Variants in SMUG1 observed in about 807,000 individuals in gnomAD.
SMUG1 encodes single-strand selective monofunctional uracil DNA glycosylase.
A neutral mutation model predicts 23.9 loss-of-function variants in SMUG1; 13 were observed. The observed-to-expected ratio is 0.54, with a 90% CI of 0.35 to 0.86. The LOEUF (loss-of-function observed/expected upper bound fraction) is 0.86, where lower values mean the gene tolerates loss of function less well. Ranked by LOEUF, SMUG1 falls within the 40% of genes least tolerant of loss-of-function variation. The pLI is 0.01. For missense variants in SMUG1, 313 were observed against 339.5 expected (o/e 0.92, Z 0.61); for synonymous variants, 133 against 139.8 (o/e 0.95, Z 0.34).
At chr12:54,163,586 T>C (rs908191814), downstream of SMUG1, among the ~76,000 whole-genome samples, 5 of 151,984 alleles carry the variant, frequency 3.3e-5, no homozygotes, top group African/African-American at 1.2e-4. Flanking sequence ...GGCGCCAAGA[T>C]GATGTTTAAA....
rs1402704120 is a variant in SMUG1, at chr12:54,184,176, C to T, written c.-19-217G>A. 6 of 424,040 alleles carry T rather than the reference C, an allele frequency of 1.4e-5. 1 individual carries two copies. Among genetic ancestry groups the T allele is most frequent in the Non-Finnish European group, 2.5e-5 (6 of 239,012 alleles). 26.3% of individuals were successfully genotyped at this position (424,040 alleles called of 1,614,324 possible). A position where few individuals can be genotyped will look rare whatever the true frequency, so the allele number is the denominator to read the frequency against. On this transcript the variant is annotated intron_variant, in intron 2 of 3. Transcript: ENST00000682136. ...CCACTTCCATTATCTGTCCTCTTCA[C>T]ATGGCACCTGGTGAGGATAAGCCAT...
downstream of SMUG1, chr12:54,162,470 C>G (rs890659363): frequency 2.0e-5 from 3 of 152,168 alleles, no homozygotes; most frequent in African/African-American, 7.2e-5. Context: ...GTCTGAGCCT[C>G]TCTCAGGAGG....
chr12:54,178,338 A>T (rs938265803), downstream of SMUG1, among the ~76,000 whole-genome samples: 1 of 152,122 alleles, frequency 6.6e-6, no homozygotes, highest in Non-Finnish European at 1.5e-5. Flanking sequence ...CAGCCCCACT[A>T]GGACCCAGAC....
At chr12:54,172,094 C>G in exon 3 of SMUG1, 2 of 455,388 alleles carry the variant, frequency 4.4e-6, no homozygotes, top group African/African-American at 2.0e-5. Flanking sequence ...GTTCTCAATA[C>G]AGCAGCAAGA....
chr12:54,179,727 A>G (rs1286866371), downstream of SMUG1, among the ~76,000 whole-genome samples: 3 of 152,112 alleles, frequency 2.0e-5, no homozygotes, highest in Non-Finnish European at 4.4e-5. Flanking sequence ...CCAACTGGCT[A>G]TAAATTCAGG....
downstream of SMUG1, among the ~76,000 whole-genome samples, chr12:54,179,564 T>C (rs1165891974): frequency 6.6e-6 from 1 of 152,134 alleles, no homozygotes; most frequent in Non-Finnish European, 1.5e-5. Context: ...GTCTATGGCA[T>C]GTGGAAGTTC....
intron 3 of SMUG1, 99 bp downstream of exon 3, chr12:54,183,555 CAT>C (rs1565822467): frequency 8.9e-6 from 11 of 1,230,246 alleles, no homozygotes; most frequent in Non-Finnish European, 9.5e-6. Flanking sequence ...AGGACCTACA[CAT>C]GTCTACAGCC....
At chr12:54,178,464 C>T (rs369957257), downstream of SMUG1, among the ~76,000 whole-genome samples, 4 of 152,276 alleles carry the variant, frequency 2.6e-5, no homozygotes, top group East Asian at 7.7e-4. Context: ...GACCCCAACT[C>T]TAGGCTTTCA....
At chr12:54,184,298 A>T (rs1047547285) in intron 2 of SMUG1, 2 of 189,904 alleles carry the variant, frequency 1.1e-5, no homozygotes, top group Middle Eastern at 1.9e-3. Context: ...TTCAATAAAC[A>T]TTTACTGGTG....
At chr12:54,174,051 G>A (rs960334999) in intron 2 of SMUG1, among the ~76,000 whole-genome samples, 6 of 152,120 alleles carry the variant, frequency 3.9e-5, no homozygotes, top group African/African-American at 1.4e-4. Context: ...TCCCACTCTA[G>A]GGGAACACAC....
intron 2 of SMUG1, among the ~76,000 whole-genome samples, chr12:54,186,384 C>G (rs1207628585): frequency 6.6e-6 from 1 of 151,762 alleles, no homozygotes; most frequent in African/African-American, 2.4e-5. Context: ...GCTCTGTCGC[C>G]CAGACTGGAG....
At chr12:54,187,637 C>T (rs923499257) in intron 2 of SMUG1, among the ~76,000 whole-genome samples, 182 bp downstream of exon 2, 8 of 152,234 alleles carry the variant, frequency 5.3e-5, no homozygotes, top group African/African-American at 1.9e-4. Context: ...ACTTCAAAGC[C>T]TGATCTCATA....
intron 3 of SMUG1, 29 bp downstream of exon 3, chr12:54,183,627 C>A: frequency 1.2e-6 from 2 of 1,611,046 alleles, no homozygotes; most frequent in Non-Finnish European, 1.7e-6. Context: ...ACCCCCCACT[C>A]CACCCACTGG....
At chr12:54,159,527 A>G (rs1940173095) in intron 4 of SMUG1, among the ~76,000 whole-genome samples, 1 of 151,980 alleles carries the variant, frequency 6.6e-6, no homozygotes, top group South Asian at 2.1e-4. Context: ...CCTACCTGCC[A>G]CTCTGGCCCT....
At chr12:54,160,408 G>T (rs1167010388), downstream of SMUG1, among the ~76,000 whole-genome samples, 1 of 152,216 alleles carries the variant, frequency 6.6e-6, no homozygotes, top group African/African-American at 2.4e-5. Context: ...CAGTCCTGAG[G>T]AGGGGTAGGG....
intron 2 of SMUG1, among the ~76,000 whole-genome samples, chr12:54,174,567 G>C (rs1940707765): frequency 6.6e-6 from 1 of 152,230 alleles, no homozygotes; most frequent in South Asian, 2.1e-4. Flanking sequence ...TGGAAGGACA[G>C]AATGACCTGC....
intron 4 of SMUG1, among the ~76,000 whole-genome samples, chr12:54,158,867 T>C (rs1037103953): frequency 6.6e-6 from 1 of 152,190 alleles, no homozygotes; most frequent in Non-Finnish European, 1.5e-5. Context: ...ATCTCCACCT[T>C]TCTGTCTTTT....
intron 4 of SMUG1, among the ~76,000 whole-genome samples, chr12:54,158,800 C>A (rs921807034): frequency 2.6e-5 from 4 of 152,170 alleles, no homozygotes; most frequent in African/African-American, 9.7e-5. Flanking sequence ...CACGAGCCAC[C>A]CACCAGACAG....
At chr12:54,166,911 C>T (rs923661014) in intron 3 of SMUG1, among the ~76,000 whole-genome samples, 2 of 152,202 alleles carry the variant, frequency 1.3e-5, no homozygotes, top group Non-Finnish European at 2.9e-5. Flanking sequence ...TCCACCCTCA[C>T]ACGCCTGTGT....
Sources: allele counts gnomAD v4.1 joint callset (sites outside exome capture counted in the v4.1 genomes callset), GRCh38; gene constraint gnomAD v4.1.1; transcripts MANE v1.5; gene names NCBI Gene and HGNC (gene_info 2026-07-23, HGNC 2026-07-21).